FIRRM: variants seen among roughly 807,000 people sequenced by gnomAD.
FIRRM encodes FIGNL1-interacting regulator of recombination and mitosis.
chr1:169,850,007 T>C, the FIRRM span: 1 of 515,678 alleles, frequency 1.9e-6, no homozygotes, highest in African/African-American at 1.9e-5. Flanking sequence ...TGTATAGTCA[T>C]GCCTATGATC....
At chr1:169,807,528 C>T in the FIRRM span, among the ~76,000 whole-genome samples, 1 of 152,098 alleles carries the variant, frequency 6.6e-6, no homozygotes. Flanking sequence ...TTTGTTTGAC[C>T]CCTTTGTCTC....
the FIRRM span, among the ~76,000 whole-genome samples, chr1:169,812,457 G>T: frequency 6.6e-6 from 1 of 152,176 alleles, no homozygotes; most frequent in African/African-American, 2.4e-5. Context: ...GTCAGGAAAG[G>T]TTTCTTATGG....
chr1:169,823,218 G>A, the FIRRM span, among the ~76,000 whole-genome samples: 1 of 151,078 alleles, frequency 6.6e-6, no homozygotes, highest in African/African-American at 2.4e-5. Flanking sequence ...ACATTGTACT[G>A]CAGCCTGGGC....
At chr1:169,799,094 CT>C in the FIRRM span, 1 of 380,534 alleles carries the variant, frequency 2.6e-6, no homozygotes, top group Admixed American at 4.7e-5. Context: ...CCTTTATAAC[CT>C]TCAGTTACTT....
At chr1:169,797,982 G>T in the FIRRM span, among the ~76,000 whole-genome samples, 3 of 152,178 alleles carry the variant, frequency 2.0e-5, no homozygotes, top group Non-Finnish European at 4.4e-5. Flanking sequence ...AAGCTGCTAT[G>T]TGCAGAAGAA....
the FIRRM span, chr1:169,852,754 A>G: frequency 6.3e-7 from 1 of 1,595,548 alleles, no homozygotes; most frequent in East Asian, 2.2e-5. Flanking sequence ...TATATTTAGA[A>G]TGGATATTGT....
chr1:169,799,811 C>T, the FIRRM span, among the ~76,000 whole-genome samples: 1 of 152,154 alleles, frequency 6.6e-6, no homozygotes, highest in African/African-American at 2.4e-5. Flanking sequence ...CCTTGGCCTC[C>T]ATAAGTGCTG....
chr1:169,811,745 TTATCTAAATAGATAATAGACAGATTATC>T, the FIRRM span, among the ~76,000 whole-genome samples: 1 of 144,628 alleles, frequency 6.9e-6, no homozygotes, highest in East Asian at 2.6e-4. Context: ...AATAGACAGA[TTATCTAAATAGATAATAGACAGATTATC>T]TAAATAGATA....
the FIRRM span, among the ~76,000 whole-genome samples, chr1:169,808,943 C>T: frequency 6.6e-6 from 1 of 152,126 alleles, no homozygotes; most frequent in South Asian, 2.1e-4. Flanking sequence ...ATATTTCTTC[C>T]TTGAATAGCA....
At chr1:169,838,749 C>G in the FIRRM span, among the ~76,000 whole-genome samples, 1 of 152,278 alleles carries the variant, frequency 6.6e-6, no homozygotes, top group East Asian at 1.9e-4. Flanking sequence ...CTCGGTCTCC[C>G]AAAGTGCTGG....
the FIRRM span, chr1:169,853,895 T>C: frequency 9.7e-7 from 1 of 1,036,238 alleles, no homozygotes; most frequent in Non-Finnish European, 1.4e-6. Flanking sequence ...TACCTCGTAC[T>C]AAGTAAAATA....
At chr1:169,797,503 C>T in the FIRRM span, among the ~76,000 whole-genome samples, 2 of 152,034 alleles carry the variant, frequency 1.3e-5, no homozygotes, top group African/African-American at 2.4e-5. Flanking sequence ...AATAAGATTT[C>T]GGAAGAGGAA....
chr1:169,830,469 T>C, the FIRRM span: 2 of 944,690 alleles, frequency 2.1e-6, no homozygotes, highest in Admixed American at 5.0e-5. Flanking sequence ...CCCAAAACGC[T>C]TTGATTTCAT....
the FIRRM span, among the ~76,000 whole-genome samples, chr1:169,819,570 C>T: frequency 6.6e-6 from 1 of 152,168 alleles, no homozygotes; most frequent in African/African-American, 2.4e-5. Context: ...GAGGTTTTCA[C>T]TAAAAAAGGA....
At chr1:169,830,590 C>T in the FIRRM span, 2 of 1,084,002 alleles carry the variant, frequency 1.8e-6, no homozygotes, top group South Asian at 1.4e-5. Flanking sequence ...GAAATAATGG[C>T]AGTTTTTAAT....
At chr1:169,843,019 A>G in the FIRRM span, among the ~76,000 whole-genome samples, 3 of 152,242 alleles carry the variant, frequency 2.0e-5, no homozygotes, top group African/African-American at 7.2e-5. Context: ...CATCCCACAC[A>G]TGGTTGTACA....
chr1:169,814,314 T>A, the FIRRM span, among the ~76,000 whole-genome samples: 2 of 152,348 alleles, frequency 1.3e-5, no homozygotes, highest in South Asian at 4.1e-4. Context: ...AAATATGCAG[T>A]ATTAAATCAT....
At chr1:169,799,353 A>G in the FIRRM span, among the ~76,000 whole-genome samples, 1 of 152,314 alleles carries the variant, frequency 6.6e-6, no homozygotes, top group East Asian at 1.9e-4. Context: ...GGTGATAACA[A>G]ATTTACCATT....
the FIRRM span, chr1:169,792,836 T>C: frequency 3.7e-6 from 6 of 1,613,792 alleles, no homozygotes; most frequent in Admixed American, 1.7e-5. Flanking sequence ...AATGAGATCA[T>C]ATTTTACAAA....
Sources: allele counts gnomAD v4.1 joint callset (sites outside exome capture counted in the v4.1 genomes callset), GRCh38; gene constraint gnomAD v4.1.1; transcripts MANE v1.5; gene names NCBI Gene and HGNC (gene_info 2026-07-23, HGNC 2026-07-21).